The following CD164 variants were observed in gnomAD, a reference collection of about 807,000 sequenced individuals.
CD164 encodes sialomucin core protein 24.
A neutral mutation model predicts 24.6 loss-of-function variants in CD164; 11 were observed. The observed-to-expected ratio is 0.45, with a 90% CI of 0.28 to 0.74. The LOEUF is 0.74. Among genes scored for constraint, CD164 ranks in the 30% least tolerant of loss-of-function variants. CD164 has a pLI of 0.13. For missense variants in CD164, 295 were observed against 243.7 expected (o/e 1.21, Z -1.40); for synonymous variants, 126 against 100.3 (o/e 1.26, Z -1.53).
chr6:109,381,765 C>T, intron 1 of CD164: 1 of 570,180 alleles, frequency 1.8e-6, no homozygotes, highest in East Asian at 3.0e-5. Context: ...CGGAGAGAGG[C>T]GCCGGGAGGG....
intron 4 of CD164, chr6:109,372,799 C>A (rs1424647797): frequency 6.6e-6 from 1 of 152,166 alleles, no homozygotes; most frequent in Non-Finnish European, 1.5e-5. Flanking sequence ...TCTCAAAACA[C>A]TATTACCAAT....
In CD164 at chr6:109,368,734, G is replaced by A. The variant is rs2115138651; in HGVS notation, c.*117C>T. On this transcript the variant is annotated 3_prime_UTR_variant, in exon 6 of 6. Coordinates refer to ENST00000310786, the MANE Select transcript of CD164 (RefSeq NM_006016.6). Reference sequence around the variant, plus strand: ...TCCCAAACATCCTATATGCATCCATGGAAATTTAAAGATCCTGGAATAGCG... The same window carrying A: ...TCCCAAACATCCTATATGCATCCATAGAAATTTAAAGATCCTGGAATAGCG... The A allele has an allele frequency of 2.1e-6, 3 of 1,441,386 alleles. No homozygotes were observed. Among genetic ancestry groups the A allele is most frequent in the Non-Finnish European group, 1.8e-6 (2 of 1,101,126 alleles). 89.3% of individuals were successfully genotyped at this position (1,441,386 alleles called of 1,614,324 possible).
chr6:109,373,525 G>C (rs1483657275), intron 4 of CD164, among the ~76,000 whole-genome samples: 1 of 152,112 alleles, frequency 6.6e-6, no homozygotes, highest in Non-Finnish European at 1.5e-5. Flanking sequence ...GAGAGCTATA[G>C]CACAAAAGAC....
chr6:109,379,752 C>A, intron 1 of CD164, 90 bp from the exon 2 acceptor site: 1 of 887,356 alleles, frequency 1.1e-6, no homozygotes, highest in South Asian at 1.5e-5. Context: ...GAACAATAAG[C>A]ATTACATACA....
At chr6:109,375,628 AAAG>A (rs748074352) in intron 4 of CD164, among the ~76,000 whole-genome samples, 4 of 70,248 alleles carry the variant, frequency 5.7e-5, no homozygotes, top group Admixed American at 3.0e-4. Context: ...AAAAAAAAAA[AAAG>A]AAAAGAAAAA....
intron 1 of CD164, chr6:109,380,548 G>C (rs1371554062): frequency 6.6e-6 from 1 of 152,224 alleles, no homozygotes; most frequent in Admixed American, 6.5e-5. Flanking sequence ...GGACATGTAC[G>C]GTGGGGTGGG....
chr6:109,368,849 G>C lies in CD164; in HGVS notation c.*2C>G. ...CAGTCCTTATTAATTCAATGGGTCT[G>C]TTTACAGAGTGTGGTAATTTCGTTC... On this transcript the variant is annotated 3_prime_UTR_variant, in exon 6 of 6. Coordinates refer to ENST00000310786, the MANE Select transcript of CD164 (RefSeq NM_006016.6). The C allele has an allele frequency of 6.2e-7, 1 of 1,611,854 alleles. No individual in the cohort carries two copies. Among genetic ancestry groups the C allele is most frequent in the Non-Finnish European group, 8.5e-7 (1 of 1,179,238 alleles).
chr6:109,378,356 A>T (rs1221443286), intron 2 of CD164, among the ~76,000 whole-genome samples: 1 of 152,074 alleles, frequency 6.6e-6, no homozygotes, highest in African/African-American at 2.4e-5. Context: ...CCAGGGTGGG[A>T]AGATCACCTG....
chr6:109,379,666 G>A lies in CD164; in HGVS notation c.176-4C>T. ...CTGTTTCGACCTTCACAGGTTTCTG[G>A]GGAGTTGGGGGGAGAGATGCATGAA... On this transcript the variant is annotated splice_polypyrimidine_tract_variant and splice_region_variant and intron_variant, in intron 1 of 5. Coordinates refer to ENST00000310786, the MANE Select transcript of CD164 (RefSeq NM_006016.6). The A allele has an allele frequency of 2.5e-6, 4 of 1,605,170 alleles. No individual in the cohort carries two copies. Among genetic ancestry groups the A allele is most frequent in the African/African-American group, 1.3e-5 (1 of 74,694 alleles).
At chr6:109,370,192 G>A (rs974819578) in intron 5 of CD164, among the ~76,000 whole-genome samples, 6 of 152,140 alleles carry the variant, frequency 3.9e-5, no homozygotes, top group African/African-American at 7.2e-5. Flanking sequence ...AAAGTGTCAC[G>A]TCAAATGTGA....
intron 3 of CD164, among the ~76,000 whole-genome samples, chr6:109,377,644 T>TAAA (rs35168490): frequency 1.4e-5 from 2 of 141,442 alleles, no homozygotes; most frequent in African/African-American, 2.7e-5. Flanking sequence ...TAGAAAAGTT[T>TAAA]AAAAAAAAAA....
At chr6:109,371,290 A>C (rs554276524) in intron 4 of CD164, 18 of 151,630 alleles carry the variant, frequency 1.2e-4, no homozygotes, top group African/African-American at 4.4e-4. Context: ...TCGCTCTGTC[A>C]CCCAGACTGG....
Position 109,380,514 on chromosome 6 carries a change from A to T in CD164, c.176-852T>A, listed in dbSNP as rs181591333. The T allele has an allele frequency of 1.8e-4, 27 of 152,350 alleles. No individual in the cohort carries two copies. In the East Asian group the frequency reaches 4.4e-3, roughly 25 times the overall value. 9.4% of individuals were successfully genotyped at this position (152,350 alleles called of 1,614,324 possible). On this transcript the variant is annotated intron_variant, in intron 1 of 5. Transcript: ENST00000310786. ...GCAGAGGCACTGCTTTCAATACTTC[A>T]TCATTAGTACTTATTAAAGACTGGG...
intron 2 of CD164, among the ~76,000 whole-genome samples, chr6:109,378,480 T>G (rs1033701589): frequency 1.2e-4 from 18 of 150,972 alleles, no homozygotes; most frequent in Non-Finnish European, 4.4e-5. Context: ...GTTGAAGTGG[T>G]CAGGGTCTGT....
chr6:109,374,778 C>A (rs113070090), intron 4 of CD164, among the ~76,000 whole-genome samples: 62 of 152,266 alleles, frequency 4.1e-4, no homozygotes, highest in African/African-American at 1.4e-3. Context: ...TTCACATCTC[C>A]TCCGCATGTG....
chr6:109,375,133 T>A (rs1479902910), intron 4 of CD164, among the ~76,000 whole-genome samples: 5 of 152,200 alleles, frequency 3.3e-5, no homozygotes, highest in African/African-American at 1.2e-4. Flanking sequence ...ATGAAAATAA[T>A]AAATCTTTCT....
chr6:109,375,646 A>G (rs915670652), intron 4 of CD164, among the ~76,000 whole-genome samples: 1 of 151,788 alleles, frequency 6.6e-6, no homozygotes, highest in African/African-American at 2.4e-5. Context: ...GAAAAAAAGA[A>G]ATACAAAGGT....
chr6:109,375,525 G>A (rs1391213705), intron 4 of CD164, among the ~76,000 whole-genome samples: 3 of 151,490 alleles, frequency 2.0e-5, no homozygotes, highest in Non-Finnish European at 1.5e-5. Context: ...GCTGAGGCAG[G>A]AGAATCGCTT....
Position 109,368,511 on chromosome 6 carries a change from C to G in CD164, c.*340G>C. On this transcript the variant is annotated 3_prime_UTR_variant, in exon 6 of 6. Transcript: ENST00000310786. Reference sequence around the variant, plus strand: ...ATTAAAATTACTAAATTTAAACTGCCAAGAGCCATGATGTTGTCTGCACAA... The same window carrying G: ...ATTAAAATTACTAAATTTAAACTGCGAAGAGCCATGATGTTGTCTGCACAA... 7.3e-7 allele frequency: 1 copy of G among 1,362,424 alleles called. No homozygotes were observed. The highest frequency in any genetic ancestry group is 9.4e-7 in the Non-Finnish European group (1 of 1,063,520). 84.4% of individuals were successfully genotyped at this position (1,362,424 alleles called of 1,614,324 possible).
Sources: allele counts gnomAD v4.1 joint callset (sites outside exome capture counted in the v4.1 genomes callset), GRCh38; gene constraint gnomAD v4.1.1; transcripts MANE v1.5; gene names NCBI Gene and HGNC (gene_info 2026-07-23, HGNC 2026-07-21).